Variants in FUZ observed in about 807,000 individuals in gnomAD.
FUZ encodes protein fuzzy homolog.
A neutral mutation model predicts 43.1 loss-of-function variants in FUZ; 31 were observed. That is an observed-to-expected ratio of 0.72 (90% confidence interval 0.54 to 0.97). The LOEUF is 0.97. Ranked by LOEUF, FUZ falls within the 50% of genes least tolerant of loss-of-function variation. The pLI is 0.00. For synonymous variants in FUZ, 274 were observed against 250.0 expected, an observed-to-expected ratio of 1.10 and a Z score of -0.91; for missense variants, 539 against 543.8, an observed-to-expected ratio of 0.99 and a Z score of 0.09.
intron 10 of FUZ, 139 bp from the exon 11 acceptor site, chr19:49,807,513 C>G: frequency 1.2e-6 from 1 of 826,392 alleles, no homozygotes; most frequent in Non-Finnish European, 2.0e-6. Flanking sequence ...GGGAGGGCCT[C>G]GGGGCTCTAG....
rs766980819 is a variant in FUZ at position 49,808,798 on chromosome 19, A to T, written c.812T>A (p.Leu271Gln). The change falls in exon 8 of 11, where the codon CTG becomes CAG. Residue 271 changes from leucine (L) to glutamine (Q), a missense_variant. Coordinates refer to ENST00000313777, the MANE Select transcript of FUZ (RefSeq NM_025129.5). ...PQLLERWWQP[L>Q]LDPLRACLPL... Reference sequence around the variant, plus strand: ...CAGACAGGCCCGCAACGGGTCCAGCAGTGGCTGCCACCAGCGCTCCAGAAG... The same window carrying T: ...CAGACAGGCCCGCAACGGGTCCAGCTGTGGCTGCCACCAGCGCTCCAGAAG... 17 of 1,554,236 alleles carry T rather than the reference A, an allele frequency of 1.1e-5. No homozygotes were observed. The South Asian group carries it at 1.9e-4, about 17-fold the overall frequency.
In FUZ at chr19:49,806,901, G is replaced by A. The variant is rs1568593402; in HGVS notation, c.*250C>T. On this transcript the variant is annotated 3_prime_UTR_variant, in exon 11 of 11. Transcript: ENST00000313777. ...GCCTGGGACTTTCCTCCGGCCTTTT[G>A]TATTTTTATTTTTGTTCATCTGCTG... 6.5e-7 allele frequency: 1 copy of A among 1,540,344 alleles called. No individual in the cohort carries two copies. The highest frequency in any genetic ancestry group is 2.0e-5 in the Admixed American group (1 of 51,100).
At chr19:49,808,935 A>C in intron 7 of FUZ, 112 bp from the exon 8 acceptor site, 1 of 949,246 alleles carries the variant, frequency 1.1e-6, no homozygotes, top group South Asian at 1.4e-5. Flanking sequence ...CGGGGCCTGC[A>C]AGAAGAGTGG....
Position 49,809,060 on chromosome 19 carries a change from G to T in FUZ, c.786+103C>A. On this transcript the variant is annotated intron_variant, in intron 7 of 10. Transcript: ENST00000313777. The surrounding 1 kb of genome is among the most constrained non-coding windows in gnomAD (Gnocchi z 5.1). ...ATGACTGGAGCGCAGTCCAGAAGAGGCGGGGCTGGGGAAAGATGCCGCTGG... is the reference window on the plus strand; with the variant it reads ...ATGACTGGAGCGCAGTCCAGAAGAGTCGGGGCTGGGGAAAGATGCCGCTGG... 6 of 1,161,984 alleles carry T rather than the reference G, an allele frequency of 5.2e-6. No homozygotes were observed. The highest frequency in any genetic ancestry group is 7.6e-6 in the Non-Finnish European group (6 of 794,468). The allele number at this position is 1,161,984 out of a possible 1,614,324, so 72.0% of individuals were successfully genotyped here. A position where few individuals can be genotyped will look rare whatever the true frequency, so the allele number is the denominator to read the frequency against.
At position 49,806,954 on chromosome 19, in the gene FUZ, A is replaced by G. The variant is rs766157654; in HGVS notation, c.*197T>C. 1.6e-5 allele frequency: 25 copies of G among 1,532,426 alleles called. No homozygotes were observed. In the East Asian group the frequency reaches 5.6e-4, roughly 35 times the overall value. 94.9% of individuals were successfully genotyped at this position (1,532,426 alleles called of 1,614,324 possible). ...GTTTACATTCTGGGGGGTTAGGGGG[A>G]GTCCCCCTCCCTCCCTTTCCCCCCC... On this transcript the variant is annotated 3_prime_UTR_variant, in exon 11 of 11. Coordinates refer to ENST00000313777, the MANE Select transcript of FUZ (RefSeq NM_025129.5).
In FUZ at chr19:49,811,719, G is replaced by A. The variant is rs1265024867; in HGVS notation, c.319-20C>T. ...AAGGACCTAGAAGAATCATATAGGA[G>A]AGGATGGGCGAGGGGCTGGGACTTG... On this transcript the variant is annotated intron_variant, in intron 3 of 10. Transcript: ENST00000313777. 1.3e-6 allele frequency: 2 copies of A among 1,589,834 alleles called. No homozygotes were observed. The highest frequency in any genetic ancestry group is 4.5e-5 in the East Asian group (2 of 44,760).
Position 49,807,273 on chromosome 19 carries a change from G to T in FUZ, c.1135C>A (p.Arg379Ser). 5.0e-6 allele frequency: 8 copies of T among 1,613,250 alleles called. No individual in the cohort carries two copies. Among genetic ancestry groups the T allele is most frequent in the Non-Finnish European group, 6.8e-6 (8 of 1,179,808 alleles). Reference sequence around the variant, plus strand: ...AGCCCCAGCTGCAAGGCCACCAGACGCACTCCTGTGCCTGGTTCCTCAGTC... The same window carrying T: ...AGCCCCAGCTGCAAGGCCACCAGACTCACTCCTGTGCCTGGTTCCTCAGTC... The part of the protein sequence containing the change: ...LGTEEPGTGV[R>S]LVALQLGLRR... Residue 379 changes from arginine to serine, a missense_variant, in exon 11 of 11, where the codon CGT becomes AGT. Coordinates refer to ENST00000313777, the MANE Select transcript of FUZ (RefSeq NM_025129.5).
At position 49,811,417 on chromosome 19, in the gene FUZ, C is replaced by A. The variant is rs1382540442; in HGVS notation, c.438G>T (p.Gly146=). ...CGCAGTCCACACACTGGGTCAGGTC[C>A]CCGATGAGCTCCGAGTCCCCCAGGA... The part of the protein sequence containing the change: ...DSFLGDSELI[G]DLTQCVDCVI... Residue 146 remains glycine (G), a synonymous_variant, in exon 5 of 11, where the codon GGG becomes GGT. Coordinates refer to ENST00000313777, the MANE Select transcript of FUZ (RefSeq NM_025129.5). The A allele has an allele frequency of 6.2e-7, 1 of 1,613,784 alleles. No homozygotes were observed. The highest frequency in any genetic ancestry group is 8.5e-7 in the Non-Finnish European group (1 of 1,179,844).
chr19:49,808,660 G>A, intron 8 of FUZ, 22 bp from the exon 9 acceptor site: 4 of 1,611,888 alleles, frequency 2.5e-6, no homozygotes, highest in South Asian at 2.2e-5. Context: ...GGAAGGGAAT[G>A]TCATGGCTGG....
At chr19:49,812,508 T>A in intron 2 of FUZ, 107 bp downstream of exon 2, 1 of 1,516,858 alleles carries the variant, frequency 6.6e-7, no homozygotes, top group Non-Finnish European at 9.1e-7. Context: ...AAAGATCCCA[T>A]AGCCAAATTA....
At position 49,813,257 on chromosome 19, in the gene FUZ, A is replaced by G; in HGVS notation, c.-151T>C. ...AGAGGATTAACTTCCCGCCTTCTTC[A>G]CCCAACTCAAACAGACCCTCAAACC... On this transcript the variant is annotated 5_prime_UTR_variant, in exon 1 of 11. Coordinates refer to ENST00000313777, the MANE Select transcript of FUZ (RefSeq NM_025129.5). The G allele has an allele frequency of 1.3e-6, 1 of 756,052 alleles. No homozygotes were observed. Among genetic ancestry groups the G allele is most frequent in the Middle Eastern group, 3.5e-4 (1 of 2,852 alleles). The allele number at this position is 756,052 out of a possible 1,614,324, so 46.8% of individuals were successfully genotyped here. A position where few individuals can be genotyped will look rare whatever the true frequency, so the allele number is the denominator to read the frequency against.
Position 49,813,146 on chromosome 19 carries a change from G to T in FUZ, c.-40C>A. The T allele has an allele frequency of 6.7e-7, 1 of 1,499,368 alleles. No homozygotes were observed. Among genetic ancestry groups the T allele is most frequent in the Non-Finnish European group, 9.1e-7 (1 of 1,100,072 alleles). The allele number at this position is 1,499,368 out of a possible 1,614,324, so 92.9% of individuals were successfully genotyped here. The stretch of plus-strand genomic sequence containing the variant: ...GCGGTCCCTCACGTGGGGACTGTCA[G>T]TGCGGGTCTTGGAGCATGGCGGTAA... On this transcript the variant is annotated 5_prime_UTR_variant, in exon 1 of 11. In the 5' UTR this introduces an upstream ATG that the reference lacks. Coordinates refer to ENST00000313777, the MANE Select transcript of FUZ (RefSeq NM_025129.5).
At chr19:49,808,940 G>A (rs887019623) in intron 7 of FUZ, 117 bp from the exon 8 acceptor site, 2 of 931,406 alleles carry the variant, frequency 2.1e-6, no homozygotes, top group Admixed American at 2.0e-5. Flanking sequence ...CCTGCAAGAA[G>A]AGTGGAGGGC....
In FUZ at chr19:49,806,979, C is replaced by T; in HGVS notation, c.*172G>A. ...AGTCCCCCTCCCTCCCTTTCCCCCC[C>T]AAGCACAGAGGGGAGAGGGGCCAGG... On this transcript the variant is annotated 3_prime_UTR_variant, in exon 11 of 11. Transcript: ENST00000313777. 4 of 1,530,264 alleles carry T rather than the reference C, an allele frequency of 2.6e-6. No homozygotes were observed. Among genetic ancestry groups the T allele is most frequent in the Non-Finnish European group, 3.5e-6 (4 of 1,144,272 alleles). The allele number at this position is 1,530,264 out of a possible 1,614,324, so 94.8% of individuals were successfully genotyped here.
chr19:49,808,475 T>C lies in FUZ; in HGVS notation c.972A>G (p.Glu324=). 6.2e-7 allele frequency: 1 copy of C among 1,612,238 alleles called. No homozygotes were observed. The highest frequency in any genetic ancestry group is 8.5e-7 in the Non-Finnish European group (1 of 1,179,484). Residue 324 remains glutamate (E), a synonymous_variant, in exon 10 of 11, where the codon GAA becomes GAG. Coordinates refer to ENST00000313777, the MANE Select transcript of FUZ (RefSeq NM_025129.5). ...AGTTTCGGAGGAGGCGCCGGCGCTG[T>C]TCTGGTGAAGGCTCTGCTGGGAGGA... ...EPLGDKEPSP[E]QRRRLLRNFY...
rs1235089828 is a variant in FUZ at position 49,808,503 on chromosome 19, A to T, written c.959-15T>A. 6.2e-7 allele frequency: 1 copy of T among 1,609,154 alleles called. No homozygotes were observed. On this transcript the variant is annotated splice_polypyrimidine_tract_variant and intron_variant, in intron 9 of 10. Coordinates refer to ENST00000313777, the MANE Select transcript of FUZ (RefSeq NM_025129.5). ...TGGTGAAGGCTCTGCTGGGAGGAAA[A>T]GGCGGTGATGCAGAGCGCCTCCCCG...
rs929514300 is a variant in FUZ at position 49,813,216 on chromosome 19, T to C, written c.-110A>G. On this transcript the variant is annotated 5_prime_UTR_variant, in exon 1 of 11. Transcript: ENST00000313777. ...GGTCCGGAGCCGCCAGAGGGCGAGA[T>C]GGGGAGCTGATTGGAAGAGGATTAA... 6.2e-6 allele frequency: 6 copies of C among 962,952 alleles called. No individual in the cohort carries two copies. Among genetic ancestry groups the C allele is most frequent in the Non-Finnish European group, 9.8e-6 (6 of 612,892 alleles). The allele number at this position is 962,952 out of a possible 1,614,324, so 59.7% of individuals were successfully genotyped here.
intron 1 of FUZ, 76 bp downstream of exon 1, chr19:49,812,920 G>A: frequency 7.2e-7 from 1 of 1,392,708 alleles, no homozygotes; most frequent in Admixed American, 2.0e-5. Flanking sequence ...AACTTCCCCA[G>A]CCCCTACTGC....
Position 49,809,268 on chromosome 19 carries a change from G to A in FUZ, c.691-10C>T. On this transcript the variant is annotated splice_polypyrimidine_tract_variant and intron_variant, in intron 6 of 10. Coordinates refer to ENST00000313777, the MANE Select transcript of FUZ (RefSeq NM_025129.5). The surrounding 1 kb of genome is among the most constrained non-coding windows in gnomAD (Gnocchi z 5.1). ...GGAGCCGGTGTGGGACCTGAAGCAGGGCACAGGCTGGGGCTCATCGCGGCC... is the reference window on the plus strand; with the variant it reads ...GGAGCCGGTGTGGGACCTGAAGCAGAGCACAGGCTGGGGCTCATCGCGGCC... The A allele has an allele frequency of 6.4e-7, 1 of 1,550,668 alleles. No homozygotes were observed.
Sources: allele counts gnomAD v4.1 joint callset, GRCh38; gene constraint gnomAD v4.1.1; non-coding constraint Gnocchi (gnomAD v3.1); transcripts MANE v1.5; gene names NCBI Gene and HGNC (gene_info 2026-07-23, HGNC 2026-07-21).